NRG4: variants seen among roughly 807,000 people sequenced by gnomAD.
NRG4 encodes the protein neuregulin 4.
A neutral mutation model predicts 15.0 loss-of-function variants in NRG4; 10 were observed. That is an observed-to-expected ratio of 0.67 (90% CI 0.41 to 1.13). The LOEUF (loss-of-function observed/expected upper bound fraction) is 1.13, where lower values mean the gene tolerates loss of function less well. Ranked by LOEUF, NRG4 falls within the 50% of genes most tolerant of loss-of-function variation. The pLI, the probability that NRG4 is intolerant of heterozygous loss-of-function variation, is 0.00. For missense variants in NRG4, 139 were observed against 140.2 expected (o/e 0.99, Z 0.04); for synonymous variants, 41 against 50.1 (o/e 0.82, Z 0.77).
chr15:75,980,369 T>C (rs980771459), intron 3 of NRG4, among the ~76,000 whole-genome samples: 1 of 126,954 alleles, frequency 7.9e-6, no homozygotes, highest in Non-Finnish European at 1.7e-5. Context: ...ATGAATACAT[T>C]TTTTTCTTTG....
At chr15:76,029,510 A>C (rs973110955) in intron 5 of NRG4, among the ~76,000 whole-genome samples, 7 of 152,210 alleles carry the variant, frequency 4.6e-5, no homozygotes, top group African/African-American at 1.7e-4. Flanking sequence ...AGATGACATG[A>C]TCTTCTATAT....
chr15:76,011,146 AAT>A (rs1051171150), intron 2 of NRG4, 73 bp downstream of exon 2: 1 of 1,183,360 alleles, frequency 8.5e-7, no homozygotes, highest in African/African-American at 1.6e-5. Context: ...GCCTTGTGTT[AAT>A]ATACATTTTT....
rs1393902071 is a variant in NRG4 at position 76,049,422 on chromosome 15, C to A, written c.-105+2645G>T. ...AGCCTCTTTTTCCTTTTACCTCTGACCCTCCCATCCTCACTCTCAAACCCT... is the reference window on the plus strand; with the variant it reads ...AGCCTCTTTTTCCTTTTACCTCTGAACCTCCCATCCTCACTCTCAAACCCT... On this transcript the variant is annotated intron_variant, in intron 4 of 8. Transcript: ENST00000563910. Among the ~76,000 whole-genome samples, 3 of 150,680 alleles carry A rather than the reference C, an allele frequency of 2.0e-5. 1 individual carries two copies. The highest frequency in any genetic ancestry group is 7.4e-5 in the African/African-American group (3 of 40,324).
chr15:76,030,116 G>C (rs1193811878), intron 5 of NRG4, among the ~76,000 whole-genome samples: 2 of 152,102 alleles, frequency 1.3e-5, no homozygotes, highest in African/African-American at 4.8e-5. Context: ...AAATTAGCCA[G>C]GTGTGGTGGC....
intron 3 of NRG4, among the ~76,000 whole-genome samples, chr15:75,966,477 C>T (rs2141823850): frequency 6.6e-6 from 1 of 152,170 alleles, no homozygotes; most frequent in Non-Finnish European, 1.5e-5. Flanking sequence ...ACACACTATA[C>T]AAGTGTGTTT....
At chr15:76,029,598 G>T (rs917086151) in intron 5 of NRG4, among the ~76,000 whole-genome samples, 1 of 152,010 alleles carries the variant, frequency 6.6e-6, no homozygotes, top group African/African-American at 2.4e-5. Context: ...TACAAACATC[G>T]ACATATAAAC....
upstream of NRG4, chr15:76,060,086 C>CG (rs1415738242): frequency 9.6e-6 from 1 of 104,262 alleles, no homozygotes. Flanking sequence ...GTGGTCGGGG[C>CG]GGGGGGTGGG....
chr15:75,955,456 T>C (rs901987663), intron 5 of NRG4, among the ~76,000 whole-genome samples: 1 of 152,244 alleles, frequency 6.6e-6, no homozygotes, highest in Non-Finnish European at 1.5e-5. Flanking sequence ...TAATGCTCCA[T>C]ATATTTTGTC....
intron 3 of NRG4, among the ~76,000 whole-genome samples, chr15:76,006,441 T>C (rs1259910693): frequency 6.6e-6 from 1 of 152,226 alleles, no homozygotes; most frequent in Admixed American, 6.5e-5. Flanking sequence ...ATATCTGCCA[T>C]TCAATGTTAC....
At chr15:76,059,870 C>G (rs1405342974), upstream of NRG4, 4 of 144,638 alleles carry the variant, frequency 2.8e-5, no homozygotes, top group Non-Finnish European at 6.1e-5. Flanking sequence ...CGCGAGGCCT[C>G]GCGCGCGCCC....
intron 5 of NRG4, among the ~76,000 whole-genome samples, chr15:76,031,497 G>C (rs1438953301): frequency 6.6e-6 from 1 of 152,166 alleles, no homozygotes; most frequent in Non-Finnish European, 1.5e-5. Context: ...AGACCAACCT[G>C]GGCAACATGG....
At chr15:76,043,139 A>C (rs2141955917) in intron 4 of NRG4, among the ~76,000 whole-genome samples, 1 of 152,292 alleles carries the variant, frequency 6.6e-6, no homozygotes, top group Admixed American at 6.5e-5. Context: ...TGGGTATAGA[A>C]GGAACATAAT....
intron 3 of NRG4, among the ~76,000 whole-genome samples, chr15:76,005,240 A>T (rs1032215262): frequency 1.3e-5 from 2 of 151,874 alleles, no homozygotes; most frequent in African/African-American, 4.8e-5. Flanking sequence ...TAAATTGCCA[A>T]GTGCAGTGTT....
At chr15:76,004,480 T>C (rs1230483641) in intron 3 of NRG4, among the ~76,000 whole-genome samples, 1 of 150,938 alleles carries the variant, frequency 6.6e-6, no homozygotes, top group South Asian at 2.1e-4. Flanking sequence ...ATGCCTGTAA[T>C]CCCAGCTACT....
intron 3 of NRG4, among the ~76,000 whole-genome samples, chr15:75,981,609 G>A (rs2033610752): frequency 6.6e-6 from 1 of 152,166 alleles, no homozygotes; most frequent in South Asian, 2.1e-4. Flanking sequence ...GTACAATGAG[G>A]AAATTGCTAT....
intron 4 of NRG4, among the ~76,000 whole-genome samples, chr15:76,044,729 G>GGAGGCT (rs1252680560): frequency 1.3e-5 from 2 of 149,442 alleles, no homozygotes; most frequent in East Asian, 1.9e-4. Context: ...CAGCTACTTG[G>GGAGGCT]GAGGCTGAGG....
intron 3 of NRG4, among the ~76,000 whole-genome samples, chr15:75,972,938 T>C (rs1355488921): frequency 1.3e-5 from 2 of 152,174 alleles, no homozygotes; most frequent in Admixed American, 6.5e-5. Context: ...AGGGATAGCA[T>C]TGAATCTCTA....
chr15:76,028,190 GA>G (rs2035366844), intron 5 of NRG4, among the ~76,000 whole-genome samples: 1 of 151,088 alleles, frequency 6.6e-6, no homozygotes. Flanking sequence ...AAAATTGAGA[GA>G]AAAAATACAA....
chr15:76,002,871 T>C (rs2034464808), intron 3 of NRG4, among the ~76,000 whole-genome samples: 1 of 152,138 alleles, frequency 6.6e-6, no homozygotes. Context: ...CAATCTACCA[T>C]CCTACTTGAA....
Sources: gnomAD v4.1 joint callset for allele counts (sites outside exome capture counted in the v4.1 genomes callset) on GRCh38, gnomAD v4.1.1 for gene constraint, MANE v1.5 for transcripts, NCBI Gene and HGNC (gene_info 2026-07-23, HGNC 2026-07-21) for gene names.